Variants in TTC39C observed in about 807,000 individuals in gnomAD.
The protein encoded by TTC39C is tetratricopeptide repeat domain 39C.
Under a neutral mutation model 76.3 loss-of-function variants are expected in TTC39C, and 33 were observed. The observed-to-expected ratio is 0.43, with a 90% CI of 0.33 to 0.58. The LOEUF (loss-of-function observed/expected upper bound fraction) is 0.58, where lower values mean the gene tolerates loss of function less well. Among genes scored for constraint, TTC39C ranks in the 20% least tolerant of loss-of-function variants. The pLI, the probability that TTC39C is intolerant of heterozygous loss-of-function variation, is 0.04. For missense variants in TTC39C, 595 were observed against 701.4 expected (o/e 0.85, Z 1.71); for synonymous variants, 254 against 260.6 (o/e 0.97, Z 0.24).
intron 1 of TTC39C, among the ~76,000 whole-genome samples, chr18:23,999,429 G>A (rs934917048): frequency 6.6e-6 from 1 of 152,214 alleles, no homozygotes; most frequent in Non-Finnish European, 1.5e-5. Flanking sequence ...CACAGGGGAG[G>A]AAGAGAGAGG....
intron 6 of TTC39C, chr18:24,113,806 G>T: frequency 1.5e-6 from 1 of 656,500 alleles, no homozygotes; most frequent in Non-Finnish European, 2.8e-6. Flanking sequence ...GCGGGAAAAC[G>T]AAATGTATTT....
intron 9 of TTC39C, 91 bp downstream of exon 9, chr18:24,124,034 G>C (rs2085013606): frequency 2.2e-6 from 2 of 909,420 alleles, no homozygotes; most frequent in Non-Finnish European, 3.3e-6. Flanking sequence ...TTATATTCAA[G>C]GCTGCCTATT....
intron 1 of TTC39C, among the ~76,000 whole-genome samples, chr18:24,024,988 C>A (rs892641229): frequency 1.3e-4 from 20 of 152,174 alleles, no homozygotes; most frequent in African/African-American, 4.3e-4. Flanking sequence ...CGTGCCTCAG[C>A]CTCCTAATTA....
At chr18:24,071,083 C>G (rs1160350909) in intron 4 of TTC39C, among the ~76,000 whole-genome samples, 2 of 152,018 alleles carry the variant, frequency 1.3e-5, no homozygotes, top group Non-Finnish European at 2.9e-5. Flanking sequence ...CGCCCACCAC[C>G]ACGCCCAACT....
At chr18:24,106,467 G>A (rs552017552) in intron 6 of TTC39C, among the ~76,000 whole-genome samples, 1 of 152,294 alleles carries the variant, frequency 6.6e-6, no homozygotes, top group East Asian at 1.9e-4. Flanking sequence ...GGAGGACTGT[G>A]CGACCTGGGT....
At chr18:24,081,043 G>C (rs751659842) in intron 5 of TTC39C, 104 bp downstream of exon 5, 21 of 1,037,560 alleles carry the variant, frequency 2.0e-5, no homozygotes, top group Non-Finnish European at 2.6e-5. Context: ...TGTTTGGTTG[G>C]TTGACAGGGT....
intron 1 of TTC39C, among the ~76,000 whole-genome samples, chr18:24,050,733 T>C (rs1281488794): frequency 6.6e-6 from 1 of 151,944 alleles, no homozygotes; most frequent in Non-Finnish European, 1.5e-5. Context: ...TAGCTGGGTG[T>C]GGTGGCGGGT....
chr18:24,017,469 A>G (rs79782982), intron 1 of TTC39C, among the ~76,000 whole-genome samples: 6,827 of 152,312 alleles, frequency 0.045, 399 homozygotes, highest in African/African-American at 0.13. Flanking sequence ...TAAGCACTCA[A>G]TAAACTCTAG....
upstream of TTC39C, chr18:24,014,639 G>A (rs1236825214): frequency 2.1e-6 from 1 of 484,726 alleles, no homozygotes; most frequent in African/African-American, 2.1e-5. Flanking sequence ...GTGCTGCTGA[G>A]TAATCCCCGC....
intron 8 of TTC39C, among the ~76,000 whole-genome samples, chr18:24,120,572 C>G (rs930502914): frequency 1.3e-5 from 2 of 152,130 alleles, no homozygotes; most frequent in East Asian, 1.9e-4. Flanking sequence ...ACCATTTGAA[C>G]TTTTTTAGGT....
chr18:24,106,664 A>G (rs2084748394), intron 6 of TTC39C, among the ~76,000 whole-genome samples: 1 of 152,176 alleles, frequency 6.6e-6, no homozygotes, highest in African/African-American at 2.4e-5. Context: ...GCCATAGTGC[A>G]GCAGACTGAT....
chr18:24,080,974 T>C, intron 5 of TTC39C, 35 bp downstream of exon 5: 1 of 1,539,308 alleles, frequency 6.5e-7, no homozygotes, highest in South Asian at 1.2e-5. Flanking sequence ...TGGTAGATAA[T>C]ATAGTGTTGA....
chr18:23,994,495 A>G (rs8089140), intron 1 of TTC39C: 62,014 of 151,996 alleles, frequency 0.41, 18,460 homozygotes, highest in African/African-American at 0.81. Flanking sequence ...AAAACAAAGG[A>G]AAATTAAACC....
At chr18:24,053,582 C>T (rs1466252868) in intron 1 of TTC39C, among the ~76,000 whole-genome samples, 1 of 152,144 alleles carries the variant, frequency 6.6e-6, no homozygotes, top group Non-Finnish European at 1.5e-5. Flanking sequence ...AAAGTAAGTT[C>T]AACAAATTTG....
At chr18:24,004,444 C>A (rs939806960) in intron 1 of TTC39C, among the ~76,000 whole-genome samples, 1 of 152,112 alleles carries the variant, frequency 6.6e-6, no homozygotes, top group Non-Finnish European at 1.5e-5. Flanking sequence ...TCTGAGTCTT[C>A]TTTTATAACC....
intron 4 of TTC39C, among the ~76,000 whole-genome samples, chr18:24,071,936 C>T (rs1429825617): frequency 6.6e-6 from 1 of 152,232 alleles, no homozygotes; most frequent in African/African-American, 2.4e-5. Flanking sequence ...TTCTCATAGG[C>T]ATGAAAGCCT....
intron 6 of TTC39C, among the ~76,000 whole-genome samples, chr18:24,087,582 G>GTTTTTTTTTTGTTT (rs6146239): frequency 8.1e-6 from 1 of 124,144 alleles, no homozygotes; most frequent in African/African-American, 2.7e-5. Flanking sequence ...TTTGAGAACT[G>GTTTTTTTTTTGTTT]TTTTTTTTTT....
intron 6 of TTC39C, among the ~76,000 whole-genome samples, chr18:24,083,461 T>C (rs2084402314): frequency 6.6e-6 from 1 of 152,228 alleles, no homozygotes; most frequent in Admixed American, 6.5e-5. Flanking sequence ...ACAATTGACT[T>C]ATACAAAAGT....
In TTC39C at chr18:24,113,795, G is replaced by A. The variant is rs148235636; in HGVS notation, c.985-759G>A. ...GCAGACCCTGAGTGACATCTTCAGCGGCGGGAAAACGAAATGTATTTCACT... is the reference window on the plus strand; with the variant it reads ...GCAGACCCTGAGTGACATCTTCAGCAGCGGGAAAACGAAATGTATTTCACT... On this transcript the variant is annotated intron_variant, in intron 6 of 13. Transcript: ENST00000317571. The A allele has an allele frequency of 6.0e-3, 3,980 of 665,230 alleles. 49 individuals are homozygous for A. The highest frequency in any genetic ancestry group is 6.1e-3 in the Non-Finnish European group (2,220 of 365,736). 41.2% of individuals were successfully genotyped at this position (665,230 alleles called of 1,614,324 possible).
Sources: allele counts gnomAD v4.1 joint callset (sites outside exome capture counted in the v4.1 genomes callset), GRCh38; gene constraint gnomAD v4.1.1; transcripts MANE v1.5; gene names NCBI Gene and HGNC (gene_info 2026-07-23, HGNC 2026-07-21).